SH3D19: variants seen among roughly 807,000 people sequenced by gnomAD.
SH3D19 encodes the protein SH3 domain-containing protein 19.
A neutral mutation model predicts 112.1 loss-of-function variants in SH3D19; 58 were observed. The ratio of observed to expected loss-of-function variants is 0.52; its 90% CI spans 0.42 to 0.64. The LOEUF (loss-of-function observed/expected upper bound fraction) is 0.64, where lower values mean the gene tolerates loss of function less well. Among genes scored for constraint, SH3D19 ranks in the 30% least tolerant of loss-of-function variants. SH3D19 has a pLI of 0.00. For missense variants in SH3D19, 1,090 were observed against 1,263.4 expected, an observed-to-expected ratio of 0.86 and a Z score of 2.08; for synonymous variants, 391 against 448.5, an observed-to-expected ratio of 0.87 and a Z score of 1.62.
intron 2 of SH3D19, among the ~76,000 whole-genome samples, chr4:151,209,181 C>G (rs987897412): frequency 6.6e-6 from 1 of 152,112 alleles, no homozygotes; most frequent in African/African-American, 2.4e-5. Context: ...GGATTCTAAC[C>G]CCGTCAGCCT....
Position 151,180,677 on chromosome 4 carries a change from T to A in SH3D19, c.194-1280A>T, listed in dbSNP as rs549339083. 3.5e-4 allele frequency among the ~76,000 whole-genome samples: 52 copies of A among 149,616 alleles called. No individual in the cohort carries two copies. The East Asian group carries it at 6.7e-3, about 19-fold the overall frequency. ...CGCCTTGGCCTCCCAAAGTGCTGGC[T>A]TTACAGGTGTGAGCCACTGCGCCCG... On this transcript the variant is annotated intron_variant, in intron 3 of 19. Coordinates refer to ENST00000604030, the MANE Select transcript of SH3D19 (RefSeq NM_001378122.1).
chr4:151,191,358 C>T (rs558616897), intron 2 of SH3D19, among the ~76,000 whole-genome samples: 40 of 152,220 alleles, frequency 2.6e-4, no homozygotes, highest in African/African-American at 8.9e-4. Flanking sequence ...AATGTGAGGA[C>T]ATGACATTTG....
chr4:151,294,395 G>C (rs1288671198), intron 1 of SH3D19, among the ~76,000 whole-genome samples: 1 of 152,194 alleles, frequency 6.6e-6, no homozygotes, highest in East Asian at 1.9e-4. Flanking sequence ...TTAACAAGGA[G>C]TTGAAACTTA....
intron 2 of SH3D19, among the ~76,000 whole-genome samples, chr4:151,218,386 TA>T (rs542469364): frequency 1.2e-4 from 18 of 151,620 alleles, no homozygotes; most frequent in East Asian, 3.9e-4. Context: ...TGATGCCATT[TA>T]AAAAAAAATT....
chr4:151,199,356 C>A (rs1487689013), intron 2 of SH3D19, among the ~76,000 whole-genome samples: 2 of 151,956 alleles, frequency 1.3e-5, no homozygotes, highest in Non-Finnish European at 2.9e-5. Flanking sequence ...GGAAATGTGC[C>A]TTTTATCAGC....
At chr4:151,223,520 A>C (rs1332509948) in intron 2 of SH3D19, among the ~76,000 whole-genome samples, 2 of 152,156 alleles carry the variant, frequency 1.3e-5, no homozygotes, top group Admixed American at 6.6e-5. Context: ...CCCTTAGCCC[A>C]GACCCAGAAT....
At chr4:151,181,163 A>T (rs1265759041) in intron 3 of SH3D19, among the ~76,000 whole-genome samples, 1 of 152,156 alleles carries the variant, frequency 6.6e-6, no homozygotes, top group Non-Finnish European at 1.5e-5. Flanking sequence ...GCACAAAGGA[A>T]ATTTGTTTCA....
chr4:151,254,297 TTTTA>T (rs76523570), intron 1 of SH3D19, among the ~76,000 whole-genome samples: 2,719 of 149,820 alleles, frequency 0.018, 88 homozygotes, highest in Admixed American at 0.061. Flanking sequence ...TTTTTTTTAT[TTTTA>T]TTTATTTATT....
chr4:151,168,894 C>A, intron 7 of SH3D19, among the ~76,000 whole-genome samples: 1 of 151,852 alleles, frequency 6.6e-6, no homozygotes, highest in South Asian at 2.1e-4. Context: ...AAATTCTGGG[C>A]CAGTATAAGA....
At chr4:151,190,424 T>A (rs1279238037) in intron 2 of SH3D19, among the ~76,000 whole-genome samples, 1 of 152,140 alleles carries the variant, frequency 6.6e-6, no homozygotes, top group Non-Finnish European at 1.5e-5. Context: ...TCTTGGCGGC[T>A]CCTCCCATCA....
At chr4:151,209,321 C>T (rs938013138) in intron 2 of SH3D19, among the ~76,000 whole-genome samples, 1 of 151,754 alleles carries the variant, frequency 6.6e-6, no homozygotes, top group Non-Finnish European at 1.5e-5. Flanking sequence ...CTCTGTCACC[C>T]AAGCTGGAGT....
At chr4:151,199,018 C>A (rs75938822) in intron 2 of SH3D19, among the ~76,000 whole-genome samples, 1 of 119,406 alleles carries the variant, frequency 8.4e-6, no homozygotes. Flanking sequence ...CAGCTAACAT[C>A]TTTTTTTTTT....
At chr4:151,237,151 G>A (rs190579149) in intron 1 of SH3D19, among the ~76,000 whole-genome samples, 27 of 152,234 alleles carry the variant, frequency 1.8e-4, no homozygotes, top group Non-Finnish European at 3.5e-4. Flanking sequence ...GCGAGACCAC[G>A]AACCCAGCGG....
rs191800909 is a variant in SH3D19 at position 151,154,425 on chromosome 4, C to A, written c.1755+4815G>T. On this transcript the variant is annotated intron_variant, in intron 9 of 19. Coordinates refer to ENST00000604030, the MANE Select transcript of SH3D19 (RefSeq NM_001378122.1). Reference sequence around the variant, plus strand: ...CTGGGATTACAGGCTTGAACCATTGCGCCCGGCCCACACCTGGCTAATTTT... The same window carrying A: ...CTGGGATTACAGGCTTGAACCATTGAGCCCGGCCCACACCTGGCTAATTTT... 1.5e-3 allele frequency among the ~76,000 whole-genome samples: 221 copies of A among 146,856 alleles called. 4 individuals are homozygous for A. The highest frequency in any genetic ancestry group is 5.8e-3 in the African/African-American group (214 of 37,040).
intron 1 of SH3D19, among the ~76,000 whole-genome samples, chr4:151,261,961 G>C (rs890574179): frequency 2.0e-5 from 3 of 152,110 alleles, no homozygotes; most frequent in African/African-American, 7.2e-5. Flanking sequence ...GGAGAGTACA[G>C]CTTCATTTCT....
chr4:151,153,731 G>A (rs535863149), intron 9 of SH3D19, among the ~76,000 whole-genome samples: 3 of 152,242 alleles, frequency 2.0e-5, no homozygotes, highest in East Asian at 3.9e-4. Flanking sequence ...CAGATTCAGT[G>A]TGTTTATTAT....
At chr4:151,198,433 T>TAAAATATATATA (rs1326548370) in intron 2 of SH3D19, among the ~76,000 whole-genome samples, 1 of 141,368 alleles carries the variant, frequency 7.1e-6, no homozygotes, top group African/African-American at 2.7e-5. Flanking sequence ...ATATATTATA[T>TAAAATATATATA]AAAATATATA....
At chr4:151,143,802 G>T in intron 12 of SH3D19, 108 bp downstream of exon 12, 1 of 1,287,670 alleles carries the variant, frequency 7.8e-7, no homozygotes, top group South Asian at 1.5e-5. Flanking sequence ...TTTTACTCTG[G>T]TTAAAATAAA....
intron 1 of SH3D19, among the ~76,000 whole-genome samples, chr4:151,310,648 T>G (rs1182765620): frequency 1.3e-5 from 2 of 151,420 alleles, no homozygotes. Context: ...CTCGGCTCAC[T>G]GCAACCTCCA....
Sources: gnomAD v4.1 joint callset for allele counts (sites outside exome capture counted in the v4.1 genomes callset) on GRCh38, gnomAD v4.1.1 for gene constraint, MANE v1.5 for transcripts, NCBI Gene and HGNC (gene_info 2026-07-23, HGNC 2026-07-21) for gene names.